The following XXYLT1 variants were observed in gnomAD, a reference collection of about 807,000 sequenced individuals.
The protein encoded by XXYLT1 is xyloside xylosyltransferase 1.
A neutral mutation model predicts 28.9 loss-of-function variants in XXYLT1; 20 were observed. That is an observed-to-expected ratio of 0.69 (90% confidence interval 0.49 to 1.00). The LOEUF (loss-of-function observed/expected upper bound fraction) is 1.00, where lower values mean the gene tolerates loss of function less well. XXYLT1 is among the 50% of genes least tolerant of loss of function. XXYLT1 has a pLI of 0.00. For missense variants in XXYLT1, 542 were observed against 560.1 expected, an observed-to-expected ratio of 0.97 and a Z score of 0.33; for synonymous variants, 257 against 253.8, an observed-to-expected ratio of 1.01 and a Z score of -0.12.
intron 3 of XXYLT1, among the ~76,000 whole-genome samples, chr3:195,143,784 T>TTTTATA (rs1553809415): frequency 4.4e-5 from 5 of 113,944 alleles, no homozygotes; most frequent in Non-Finnish European, 6.8e-5. Flanking sequence ...TGTTCTCTCA[T>TTTTATA]TATATATATA....
chr3:195,070,289 C>G (rs990927675), intron 3 of XXYLT1, among the ~76,000 whole-genome samples, 178 bp from the exon 4 acceptor site: 2 of 150,150 alleles, frequency 1.3e-5, no homozygotes, highest in Non-Finnish European at 3.0e-5. Context: ...CTCTGGACCC[C>G]AAGCCTCAGA....
intron 2 of XXYLT1, among the ~76,000 whole-genome samples, chr3:195,163,763 G>T (rs1056486847): frequency 6.6e-6 from 1 of 152,198 alleles, no homozygotes; most frequent in African/African-American, 2.4e-5. Flanking sequence ...AGTTATCAAA[G>T]ACCCAGACGA....
intron 2 of XXYLT1, among the ~76,000 whole-genome samples, chr3:195,222,144 G>A (rs887570122): frequency 6.6e-6 from 1 of 152,238 alleles, no homozygotes; most frequent in African/African-American, 2.4e-5. Flanking sequence ...AGGCAAGGAT[G>A]CCAAGTCCTG....
intron 3 of XXYLT1, among the ~76,000 whole-genome samples, chr3:195,138,857 GAAAAAAAAAAA>G (rs552573280): frequency 1.2e-5 from 1 of 84,160 alleles, no homozygotes; most frequent in African/African-American, 4.2e-5. Flanking sequence ...TCTGCCTCAG[GAAAAAAAAAAA>G]AAAAAAAAAG....
intron 3 of XXYLT1, among the ~76,000 whole-genome samples, chr3:195,145,181 T>C (rs938929801): frequency 6.6e-6 from 1 of 152,238 alleles, no homozygotes; most frequent in Admixed American, 6.5e-5. Flanking sequence ...AGGATTTCCA[T>C]GCAGAGACTG....
intron 3 of XXYLT1, among the ~76,000 whole-genome samples, chr3:195,099,479 C>T (rs1170037404): frequency 2.0e-5 from 3 of 152,206 alleles, no homozygotes; most frequent in African/African-American, 7.2e-5. Flanking sequence ...TAAAGGTGTT[C>T]ACAAGCCCCT....
rs75795210 is a variant in XXYLT1 at position 195,118,801 on chromosome 3, G to C, written c.785+37648C>G. ...AAACAGCTTTCACGGGTAAAGATAC[G>C]AGTACACAATGTTTCAGAATTCCCG... On this transcript the variant is annotated intron_variant, in intron 3 of 3. Coordinates refer to ENST00000310380, the MANE Select transcript of XXYLT1 (RefSeq NM_152531.5). Among the ~76,000 whole-genome samples, 169 of 152,294 alleles carry C rather than the reference G, an allele frequency of 1.1e-3. 1 individual carries two copies. In the East Asian group the frequency reaches 0.027, roughly 25 times the overall value.
rs956984577 is a variant in XXYLT1 at position 195,077,248 on chromosome 3, C to T, written c.786-7137G>A. On this transcript the variant is annotated intron_variant, in intron 3 of 3. Transcript: ENST00000310380. This position sits in a 1 kb window ranked among gnomAD's most constrained non-coding sequence, Gnocchi z 4.8. ...ATGGGAGATGATGTAGGGGGCGGCACGGGGACCCCAGCAGAGAGATGTCCA... is the reference window on the plus strand; with the variant it reads ...ATGGGAGATGATGTAGGGGGCGGCATGGGGACCCCAGCAGAGAGATGTCCA... 6.6e-6 allele frequency among the ~76,000 whole-genome samples: 1 copy of T among 152,072 alleles called. No individual in the cohort carries two copies. Among genetic ancestry groups the T allele is most frequent in the Non-Finnish European group, 1.5e-5 (1 of 67,996 alleles).
At chr3:195,132,749 A>G (rs1317779650) in intron 3 of XXYLT1, among the ~76,000 whole-genome samples, 5 of 152,232 alleles carry the variant, frequency 3.3e-5, no homozygotes, top group African/African-American at 7.2e-5. Flanking sequence ...GACACCTACC[A>G]GCCAGCAGAC....
At chr3:195,246,455 C>A (rs966946571) in intron 1 of XXYLT1, among the ~76,000 whole-genome samples, 1 of 152,188 alleles carries the variant, frequency 6.6e-6, no homozygotes, top group African/African-American at 2.4e-5. Context: ...CTTGTAGGTA[C>A]GGCACCTTGT....
chr3:195,192,419 T>C (rs57451323), intron 2 of XXYLT1, among the ~76,000 whole-genome samples: 7,057 of 150,272 alleles, frequency 0.047, 545 homozygotes, highest in African/African-American at 0.17. Context: ...AGTGAGACTC[T>C]GTCTCAAGAA....
intron 2 of XXYLT1, among the ~76,000 whole-genome samples, chr3:195,199,907 T>A (rs73063163): frequency 6.6e-6 from 1 of 152,188 alleles, no homozygotes; most frequent in Non-Finnish European, 1.5e-5. Context: ...CTGTAAGTCA[T>A]TTAGGATAAT....
chr3:195,156,921 C>T (rs896108605), intron 2 of XXYLT1, among the ~76,000 whole-genome samples: 1 of 152,074 alleles, frequency 6.6e-6, no homozygotes, highest in Non-Finnish European at 1.5e-5. Context: ...TTGGATGATA[C>T]CTTATGTGGA....
chr3:195,092,316 G>A (rs1483879225), intron 3 of XXYLT1, among the ~76,000 whole-genome samples: 3 of 147,320 alleles, frequency 2.0e-5, no homozygotes. Flanking sequence ...GCATGGTACT[G>A]GTACCAAAAC....
At chr3:195,228,676 G>C (rs1298501860) in intron 1 of XXYLT1, among the ~76,000 whole-genome samples, 1 of 149,442 alleles carries the variant, frequency 6.7e-6, no homozygotes, top group Non-Finnish European at 1.5e-5. Flanking sequence ...TTTTAGTAGA[G>C]ATGGGGTTTC....
intron 2 of XXYLT1, among the ~76,000 whole-genome samples, chr3:195,222,800 T>A (rs1238672276): frequency 6.6e-6 from 1 of 151,642 alleles, no homozygotes; most frequent in Non-Finnish European, 1.5e-5. Flanking sequence ...TTCATGGGGG[T>A]TGAAATGAAG....
At chr3:195,226,564 AGGGCTTGGTC>A in intron 2 of XXYLT1, 135 bp downstream of exon 2, 1 of 1,070,114 alleles carries the variant, frequency 9.3e-7, no homozygotes, top group Non-Finnish European at 1.3e-6. Context: ...GGTGGTACAA[AGGGCTTGGTC>A]TGGCTCCCTC....
chr3:195,096,653 C>G (rs1001875176), intron 3 of XXYLT1, among the ~76,000 whole-genome samples: 1 of 129,470 alleles, frequency 7.7e-6, no homozygotes, highest in Non-Finnish European at 1.6e-5. Flanking sequence ...CATTCCTTCT[C>G]CTCCTCAGGC....
chr3:195,079,917 A>T (rs6764788), intron 3 of XXYLT1, among the ~76,000 whole-genome samples: 66,353 of 151,916 alleles, frequency 0.44, 16,709 homozygotes, highest in East Asian at 0.96. Context: ...GATAAGGGGA[A>T]GTGTCCCGCT....
Sources: allele counts gnomAD v4.1 joint callset (sites outside exome capture counted in the v4.1 genomes callset), GRCh38; gene constraint gnomAD v4.1.1; non-coding constraint Gnocchi (gnomAD v3.1); transcripts MANE v1.5; gene names NCBI Gene and HGNC (gene_info 2026-07-23, HGNC 2026-07-21).